Variants in GBX2 observed in about 807,000 individuals in gnomAD.
GBX2 encodes the protein gastrulation brain homeobox 2, also known as homeobox protein GBX-2.
GBX2 carries 5 observed loss-of-function variants against 22.4 expected under a neutral mutation model. The ratio of observed to expected loss-of-function variants is 0.22; its 90% CI spans 0.12 to 0.47. The LOEUF (loss-of-function observed/expected upper bound fraction) is 0.47, where lower values mean the gene tolerates loss of function less well. GBX2 is among the 20% of genes least tolerant of loss of function. The pLI is 0.99. For missense variants in GBX2, 470 were observed against 495.4 expected (o/e 0.95, Z 0.49); for synonymous variants, 220 against 230.5 (o/e 0.95, Z 0.41).
Position 236,166,017 on chromosome 2 carries a change from C to T in GBX2, c.944G>A (p.Gly315Glu). The T allele has an allele frequency of 1.2e-6, 2 of 1,614,226 alleles. No homozygotes were observed. Among genetic ancestry groups the T allele is most frequent in the South Asian group, 1.1e-5 (1 of 91,090 alleles). Reference protein sequence around the residue: ...VKAGNANSKTGEPSRNPKIVV... With the variant: ...VKAGNANSKTEEPSRNPKIVV... ...GATCTTAGGGTTCCGGGAGGGCTCCCCTGTCTTGGAATTGGCATTGCCTGC... is the reference window on the plus strand; with the variant it reads ...GATCTTAGGGTTCCGGGAGGGCTCCTCTGTCTTGGAATTGGCATTGCCTGC... Residue 315 changes from glycine to glutamate, a missense_variant, in exon 2 of 2, where the codon GGG becomes GAG. By Grantham distance (98) the Gly-to-Glu change is moderately conservative. Around this residue, in one of 4 missense-constraint regions of GBX2, gnomAD observed 50 missense variants for 59.1 expected, o/e 0.85. Transcript: ENST00000306318. The surrounding 1 kb of genome is among the most constrained non-coding windows in gnomAD (Gnocchi z 6.6).
rs1389114331 is a variant in GBX2, at chr2:236,167,723, G to C, written c.249C>G (p.Ile83Met). 3.9e-6 allele frequency: 6 copies of C among 1,556,748 alleles called. No individual in the cohort carries two copies. Among genetic ancestry groups the C allele is most frequent in the East Asian group, 2.6e-5 (1 of 38,532 alleles). Residue 83 changes from isoleucine (I) to methionine (M), a missense_variant, in exon 1 of 2, where the codon ATC (isoleucine) becomes ATG (methionine). Physicochemically the swap from Ile to Met is conservative, Grantham distance 10. Transcript: ENST00000306318. The stretch of plus-strand genomic sequence containing the variant: ...AGCAGAAGCCTGTGGGCAGGCTGGG[G>C]ATCTGGTGGTGAGGGTGTGCGGGCG... Reference protein sequence around the residue: ...ALPPAHPHHQIPSLPTGFCSS... With the variant: ...ALPPAHPHHQMPSLPTGFCSS...
In GBX2 at chr2:236,165,723, T is replaced by C; in HGVS notation, c.*191A>G. ...TAGTATAATAAATATTTAGCGTGTC[T>C]TCTGGTGTGGCTGTAAGCCCCTTCA... is the stretch of plus-strand genomic sequence containing the variant. On this transcript the variant is annotated 3_prime_UTR_variant, in exon 2 of 2. Coordinates refer to ENST00000306318, the MANE Select transcript of GBX2 (RefSeq NM_001485.4). 3.4e-6 allele frequency: 2 copies of C among 590,120 alleles called. No homozygotes were observed. Among genetic ancestry groups the C allele is most frequent in the Admixed American group, 6.0e-5 (2 of 33,588 alleles). 36.6% of individuals were successfully genotyped at this position (590,120 alleles called of 1,614,324 possible).
At chr2:236,167,351 C>A in intron 1 of GBX2, 98 bp downstream of exon 1, 3 of 1,384,846 alleles carry the variant, frequency 2.2e-6, no homozygotes, top group Non-Finnish European at 2.9e-6. Flanking sequence ...CGAGCGGGGG[C>A]GCGGCCTCGC....
At position 236,166,375 on chromosome 2, in the gene GBX2, C is replaced by T. The variant is rs2060239330; in HGVS notation, c.586G>A (p.Glu196Lys). Reference protein sequence around the residue: ...SKVEDDPKGKEESFSLESDVD... With the variant: ...SKVEDDPKGKKESFSLESDVD... ...TCGCTCTCCAGCGAGAAGCTCTCCT[C>T]CTTGCCCTTCGGGTCGTCTTCCACC... The change falls in exon 2 of 2, where the codon GAG (glutamate) becomes AAG (lysine). Residue 196 changes from glutamate to lysine, a missense_variant. Coordinates refer to ENST00000306318, the MANE Select transcript of GBX2 (RefSeq NM_001485.4). This position sits in a 1 kb window ranked among gnomAD's most constrained non-coding sequence, Gnocchi z 6.6. 6.2e-7 allele frequency: 1 copy of T among 1,613,980 alleles called. No homozygotes were observed. Among genetic ancestry groups the T allele is most frequent in the African/African-American group, 1.3e-5 (1 of 74,948 alleles).
At chr2:236,161,819 GC>G (rs1280563190), downstream of GBX2, among the ~76,000 whole-genome samples, 2 of 152,242 alleles carry the variant, frequency 1.3e-5, no homozygotes, top group African/African-American at 4.8e-5. Context: ...AAAGAAGAGG[GC>G]CCCGAGAGGG....
chr2:236,162,989 C>T (rs1373037359), downstream of GBX2, among the ~76,000 whole-genome samples: 1 of 152,180 alleles, frequency 6.6e-6, no homozygotes, highest in African/African-American at 2.4e-5. Context: ...GAATAAAAAG[C>T]TGAGGTGCTG....
At position 236,168,082 on chromosome 2, in the gene GBX2, G is replaced by A; in HGVS notation, c.-111C>T. The A allele has an allele frequency of 1.7e-6, 2 of 1,204,856 alleles. No homozygotes were observed. Among genetic ancestry groups the A allele is most frequent in the Non-Finnish European group, 2.1e-6 (2 of 939,792 alleles). The allele number at this position is 1,204,856 out of a possible 1,614,324, so 74.6% of individuals were successfully genotyped here. On this transcript the variant is annotated 5_prime_UTR_variant, in exon 1 of 2. Coordinates refer to ENST00000306318, the MANE Select transcript of GBX2 (RefSeq NM_001485.4). The stretch of plus-strand genomic sequence containing the variant: ...GCCGGGAGCGCCGGGCAGGGGCCGA[G>A]CGGGACCCGGAGAGCAGACGCCTCC...
chr2:236,163,061 C>CA (rs1434560593), downstream of GBX2, among the ~76,000 whole-genome samples: 1 of 152,120 alleles, frequency 6.6e-6, no homozygotes, highest in African/African-American at 2.4e-5. Flanking sequence ...TTACAATTTG[C>CA]AAAAAAATTC....
At chr2:236,163,854 G>T (rs114706877), downstream of GBX2, among the ~76,000 whole-genome samples, 14,445 of 152,242 alleles carry the variant, frequency 0.095, 1,800 homozygotes, top group African/African-American at 0.29. Context: ...CCCGCGCCAG[G>T]CCAGGGCGCG....
At position 236,165,909 on chromosome 2, in the gene GBX2, G is replaced by T. The variant is rs547729570; in HGVS notation, c.*5C>A. On this transcript the variant is annotated 3_prime_UTR_variant, in exon 2 of 2. Coordinates refer to ENST00000306318, the MANE Select transcript of GBX2 (RefSeq NM_001485.4). Reference sequence around the variant, plus strand: ...TGGGTGCCAGGCCCTGGCCCTTCTGGACCCTCAGGGCCGGGCCTGTTCTAG... The same window carrying T: ...TGGGTGCCAGGCCCTGGCCCTTCTGTACCCTCAGGGCCGGGCCTGTTCTAG... 3 of 1,608,578 alleles carry T rather than the reference G, an allele frequency of 1.9e-6. No homozygotes were observed. Among genetic ancestry groups the T allele is most frequent in the African/African-American group, 2.7e-5 (2 of 74,688 alleles).
chr2:236,165,677 A>T lies in GBX2; in HGVS notation c.*237T>A. ...TGCAGCTGAGATCCAGTCTATAGAG[A>T]TATTTATGTACAAAGTAGGATAGTA... On this transcript the variant is annotated 3_prime_UTR_variant, in exon 2 of 2. Coordinates refer to ENST00000306318, the MANE Select transcript of GBX2 (RefSeq NM_001485.4). 1.9e-6 allele frequency: 1 copy of T among 517,986 alleles called. No individual in the cohort carries two copies. Among genetic ancestry groups the T allele is most frequent in the African/African-American group, 1.9e-5 (1 of 53,062 alleles). The allele number at this position is 517,986 out of a possible 1,614,324, so 32.1% of individuals were successfully genotyped here.
Position 236,166,136 on chromosome 2 carries a change from G to A in GBX2, c.825C>T (p.Thr275=). The A allele has an allele frequency of 1.2e-6, 2 of 1,614,202 alleles. No individual in the cohort carries two copies. Among genetic ancestry groups the A allele is most frequent in the Non-Finnish European group, 1.7e-6 (2 of 1,180,032 alleles). The part of the protein sequence containing the change: ...EFHCKKYLSL[T]ERSQIAHALK... Reference sequence around the variant, plus strand: ...GGGCGTGGGCGATCTGCGAGCGCTCGGTCAAGGAGAGGTACTTTTTGCAGT... The same window carrying A: ...GGGCGTGGGCGATCTGCGAGCGCTCAGTCAAGGAGAGGTACTTTTTGCAGT... Residue 275 remains threonine, a synonymous_variant, in exon 2 of 2, where the codon ACC becomes ACT. Coordinates refer to ENST00000306318, the MANE Select transcript of GBX2 (RefSeq NM_001485.4). The surrounding 1 kb of genome is among the most constrained non-coding windows in gnomAD (Gnocchi z 6.6).
chr2:236,165,780 T>C lies in GBX2; in HGVS notation c.*134A>G. 2.8e-6 allele frequency: 2 copies of C among 701,798 alleles called. No homozygotes were observed. Among genetic ancestry groups the C allele is most frequent in the South Asian group, 1.8e-5 (1 of 54,766 alleles). 43.5% of individuals were successfully genotyped at this position (701,798 alleles called of 1,614,324 possible). On this transcript the variant is annotated 3_prime_UTR_variant, in exon 2 of 2. Coordinates refer to ENST00000306318, the MANE Select transcript of GBX2 (RefSeq NM_001485.4). ...GTCTTTTAAGCCCATTTAGTGAATA[T>C]ATTCTCAATTTGCTTGGGATGGCCA...
Position 236,167,783 on chromosome 2 carries a change from GGGCGGCGGCGGC to G in GBX2, c.177_188del (p.Pro60_Pro63del), listed in dbSNP as rs545073704. 22 of 1,407,022 alleles carry G rather than the reference GGGCGGCGGCGGC, an allele frequency of 1.6e-5. No individual in the cohort carries two copies. The highest frequency in any genetic ancestry group is 3.4e-5 in the South Asian group (2 of 59,178). The allele number at this position is 1,407,022 out of a possible 1,614,324, so 87.2% of individuals were successfully genotyped here. ...GCTGCAGCGCGGCCTGGGGCAGCGC[GGGCGGCGGCGGC>G]GGCGGCGGCGGCAGCACTACCGGCC... On this transcript the variant is annotated inframe_deletion, in exon 1 of 2. Coordinates refer to ENST00000306318, the MANE Select transcript of GBX2 (RefSeq NM_001485.4).
intron 1 of GBX2, chr2:236,167,240 C>T: frequency 2.7e-6 from 4 of 1,492,492 alleles, no homozygotes; most frequent in Non-Finnish European, 3.6e-6. Flanking sequence ...GGGCGCTAAA[C>T]GCCCCCCCTC....
At chr2:236,161,852 A>C (rs1173423747), downstream of GBX2, among the ~76,000 whole-genome samples, 1 of 152,234 alleles carries the variant, frequency 6.6e-6, no homozygotes, top group East Asian at 1.9e-4. Context: ...CGCGCTGCTG[A>C]ATGCGTGGGC....
At chr2:236,162,012 C>T (rs991704513), downstream of GBX2, among the ~76,000 whole-genome samples, 3 of 152,250 alleles carry the variant, frequency 2.0e-5, no homozygotes, top group Admixed American at 2.0e-4. Flanking sequence ...CTGTTCCAGA[C>T]AGGTCTGGGG....
intron 1 of GBX2, chr2:236,167,042 G>T: frequency 9.3e-7 from 1 of 1,074,662 alleles, no homozygotes; most frequent in Non-Finnish European, 1.4e-6. Context: ...CAAGTAGCAA[G>T]ACCAGCGAAG....
chr2:236,166,066 G>T lies in GBX2; in HGVS notation c.895C>A (p.Arg299=). ...VQVKIWFQNR[R]AKWKRVKAGN... ...GCCTTCACCCGTTTCCACTTGGCCC[G>T]TCGGTTCTGGAACCAGATTTTCACC... The change falls in exon 2 of 2, where the codon CGG becomes AGG. Residue 299 remains arginine (R), a synonymous_variant. Transcript: ENST00000306318. This position sits in a 1 kb window ranked among gnomAD's most constrained non-coding sequence, Gnocchi z 6.6. 4 of 1,614,234 alleles carry T rather than the reference G, an allele frequency of 2.5e-6. No individual in the cohort carries two copies. Among genetic ancestry groups the T allele is most frequent in the Non-Finnish European group, 3.4e-6 (4 of 1,180,038 alleles).
Sources: gnomAD v4.1 joint callset for allele counts (sites outside exome capture counted in the v4.1 genomes callset) on GRCh38, gnomAD v4.1.1 for gene constraint, gnomAD v4.1.1 regional missense constraint, Gnocchi (gnomAD v3.1) non-coding constraint, MANE v1.5 for transcripts, NCBI Gene and HGNC (gene_info 2026-07-23, HGNC 2026-07-21) for gene names.